Variants in ZNF573 observed in about 807,000 individuals in gnomAD.
ZNF573 encodes zinc finger protein 573.
ZNF573 carries 41 observed loss-of-function variants against 57.4 expected under a neutral mutation model. The ratio of observed to expected loss-of-function variants is 0.71; its 90% CI spans 0.56 to 0.93. The LOEUF is 0.93. Among genes scored for constraint, ZNF573 ranks in the 40% least tolerant of loss-of-function variants. The pLI is 0.00. For synonymous variants in ZNF573, 249 were observed against 261.0 expected, an observed-to-expected ratio of 0.95 and a Z score of 0.44; for missense variants, 730 against 794.8, an observed-to-expected ratio of 0.92 and a Z score of 0.98.
At chr19:37,758,233 A>AAAAT (rs2045513276) in intron 4 of ZNF573, among the ~76,000 whole-genome samples, 1 of 92,846 alleles carries the variant, frequency 1.1e-5, no homozygotes, top group Non-Finnish European at 2.1e-5. Flanking sequence ...ATATATATAT[A>AAAAT]TATATATATA....
rs368086953 is a variant in ZNF573 at position 37,772,915 on chromosome 19, A to G, written c.69+746T>C. On this transcript the variant is annotated intron_variant, in intron 2 of 4. Transcript: ENST00000536220. ...CTCCCACAGTGCTGGGATTACAGGT[A>G]TGAGCCACCGTAGCTAGCCTACCTT... The G allele has an allele frequency of 6.1e-5, 60 of 983,972 alleles. No individual in the cohort carries two copies. The East Asian group carries it at 1.5e-3, about 24-fold the overall frequency. The allele number at this position is 983,972 out of a possible 1,614,324, so 61.0% of individuals were successfully genotyped here. A position where few individuals can be genotyped will look rare whatever the true frequency, so the allele number is the denominator to read the frequency against.
intron 1 of ZNF573, among the ~76,000 whole-genome samples, chr19:37,776,819 G>C (rs962953024): frequency 6.6e-6 from 1 of 152,002 alleles, no homozygotes; most frequent in Non-Finnish European, 1.5e-5. Flanking sequence ...CAAAAAGTAG[G>C]CTAAGGATAT....
intron 4 of ZNF573, among the ~76,000 whole-genome samples, chr19:37,745,962 C>G (rs1476325647): frequency 1.3e-5 from 2 of 152,118 alleles, no homozygotes; most frequent in Non-Finnish European, 2.9e-5. Context: ...GCTCAGTTAC[C>G]TTCCAGTCAC....
At chr19:37,776,359 A>C (rs962962429) in intron 1 of ZNF573, among the ~76,000 whole-genome samples, 2 of 152,222 alleles carry the variant, frequency 1.3e-5, no homozygotes, top group African/African-American at 4.8e-5. Context: ...TCTTCGACAA[A>C]GTAAACAAAA....
At chr19:37,752,278 AT>A (rs2045445538) in intron 4 of ZNF573, among the ~76,000 whole-genome samples, 1 of 152,190 alleles carries the variant, frequency 6.6e-6, no homozygotes, top group South Asian at 2.1e-4. Context: ...AAAGACCTAA[AT>A]GTAAGAGCTA....
intron 3 of ZNF573, chr19:37,770,334 A>C: frequency 2.7e-6 from 1 of 372,014 alleles, no homozygotes; most frequent in Non-Finnish European, 4.8e-6. Flanking sequence ...AAATATTACC[A>C]CCCCAAAGTA....
intron 4 of ZNF573, among the ~76,000 whole-genome samples, chr19:37,741,031 G>A (rs1255385852): frequency 1.3e-5 from 2 of 152,148 alleles, no homozygotes; most frequent in African/African-American, 4.8e-5. Context: ...TTGAATCCAT[G>A]AGTGCAGAAC....
At chr19:37,764,011 C>G (rs1319755266) in intron 4 of ZNF573, among the ~76,000 whole-genome samples, 1 of 143,646 alleles carries the variant, frequency 7.0e-6, no homozygotes, top group Non-Finnish European at 1.5e-5. Context: ...TGCGATGAGC[C>G]AAGATCGCAC....
intron 2 of ZNF573, among the ~76,000 whole-genome samples, chr19:37,773,457 A>G (rs546510938): frequency 3.5e-4 from 54 of 152,356 alleles, no homozygotes; most frequent in African/African-American, 1.3e-3. Flanking sequence ...AGTACTAAAT[A>G]CATTTGACAA....
Position 37,764,845 on chromosome 19 carries a change from C to T in ZNF573, c.295+5160G>A, listed in dbSNP as rs1255365838. ...GTCTCGATCTCCTGACCTCGTGATC[C>T]GTCTGCCTTGGCCTCCGAAAGTGCT... On this transcript the variant is annotated intron_variant, in intron 4 of 4. Coordinates refer to ENST00000536220, the MANE Select transcript of ZNF573 (RefSeq NM_001172690.2). Among the ~76,000 whole-genome samples the T allele has an allele frequency of 3.3e-5, 5 of 151,100 alleles. No individual in the cohort carries two copies. The South Asian group carries it at 6.3e-4, about 19-fold the overall frequency.
Position 37,739,957 on chromosome 19 carries a change from G to A in ZNF573, c.533C>T (p.Thr178Ile), listed in dbSNP as rs747044754. 4.3e-6 allele frequency: 7 copies of A among 1,614,130 alleles called. No homozygotes were observed. The highest frequency in any genetic ancestry group is 1.1e-5 in the South Asian group (1 of 91,078). The change falls in exon 5 of 5, where the codon ACT (threonine) becomes ATT (isoleucine). Residue 178 changes from threonine (T) to isoleucine (I), a missense_variant. By Grantham distance (89) the Thr-to-Ile change is moderately conservative (BLOSUM62 -1). Coordinates refer to ENST00000536220, the MANE Select transcript of ZNF573 (RefSeq NM_001172690.2). ...ACCAGTATGAAATCTTTGATGTAGA[G>A]TAAGTTGATAGCCACTACGAAAGTT... ...GKNFRSGYQL[T>I]LHQRFHTGEK... is the part of the protein sequence containing the mutation.
chr19:37,778,852 A>G (rs1599713945), intron 1 of ZNF573, among the ~76,000 whole-genome samples: 1 of 152,070 alleles, frequency 6.6e-6, no homozygotes, highest in African/African-American at 2.4e-5. Flanking sequence ...GAGAGGCTGG[A>G]ATCTGGGTAT....
intron 4 of ZNF573, among the ~76,000 whole-genome samples, chr19:37,745,121 C>G (rs1243565806): frequency 1.3e-5 from 2 of 148,932 alleles, no homozygotes; most frequent in Non-Finnish European, 3.0e-5. Context: ...GTCACTCAGG[C>G]TGGAGTGCAG....
chr19:37,770,832 T>TTATTTATATATATATATATATA (rs1555745092), intron 3 of ZNF573, among the ~76,000 whole-genome samples: 3 of 93,750 alleles, frequency 3.2e-5, no homozygotes, highest in Admixed American at 1.2e-4. Flanking sequence ...TTAAGTTATT[T>TTATTTATATATATATATATATA]TATATATATA....
At chr19:37,771,019 T>TTA (rs894015777) in intron 3 of ZNF573, among the ~76,000 whole-genome samples, 1 of 150,756 alleles carries the variant, frequency 6.6e-6, no homozygotes, top group Non-Finnish European at 1.5e-5. Context: ...AGCTCATGAA[T>TTA]TATAACTTTC....
At chr19:37,740,293 T>A in intron 4 of ZNF573, 99 bp from the exon 5 acceptor site, 3 of 1,127,768 alleles carry the variant, frequency 2.7e-6, no homozygotes, top group Non-Finnish European at 3.7e-6. Flanking sequence ...AATAAGTGAA[T>A]GGCATATAGA....
chr19:37,764,311 GTTT>G (rs545189639), intron 4 of ZNF573, among the ~76,000 whole-genome samples: 1 of 136,340 alleles, frequency 7.3e-6, no homozygotes, highest in South Asian at 2.4e-4. Context: ...GTTTTTTTTT[GTTT>G]TTTTTTTTTG....
intron 4 of ZNF573, among the ~76,000 whole-genome samples, chr19:37,754,529 A>G (rs2045468897): frequency 6.6e-6 from 1 of 151,666 alleles, no homozygotes; most frequent in South Asian, 2.1e-4. Context: ...CAAAAAAAAA[A>G]AAAAAAAATG....
At chr19:37,777,879 C>T (rs961959064) in intron 1 of ZNF573, among the ~76,000 whole-genome samples, 1 of 150,962 alleles carries the variant, frequency 6.6e-6, no homozygotes, top group Non-Finnish European at 1.5e-5. Context: ...AAAAATTAGC[C>T]GGGCGTGGTG....
Sources: allele counts gnomAD v4.1 joint callset (sites outside exome capture counted in the v4.1 genomes callset), GRCh38; gene constraint gnomAD v4.1.1; transcripts MANE v1.5; gene names NCBI Gene and HGNC (gene_info 2026-07-23, HGNC 2026-07-21).